TLE1: variants seen among roughly 807,000 people sequenced by gnomAD.
TLE1 encodes the protein transducin-like enhancer protein 1.
A neutral mutation model predicts 89.8 loss-of-function variants in TLE1; 21 were observed. The ratio of observed to expected loss-of-function variants is 0.23; its 90% CI spans 0.17 to 0.34. TLE1 has a LOEUF of 0.34. Among genes scored for constraint, TLE1 ranks in the 10% least tolerant of loss-of-function variants. The pLI is 1.00. For synonymous variants in TLE1, 447 were observed against 407.6 expected (o/e 1.10, Z -1.16); for missense variants, 795 against 1,031.2 (o/e 0.77, Z 3.14).
intron 4 of TLE1, among the ~76,000 whole-genome samples, chr9:81,661,800 A>T (rs1830831006): frequency 6.6e-6 from 1 of 152,122 alleles, no homozygotes. Flanking sequence ...ACCGGCAACC[A>T]AACAAAAATG....
In TLE1 at chr9:81,685,836, C is replaced by G. The variant is rs756928454; in HGVS notation, c.186G>C (p.Val62=). 3 of 1,613,976 alleles carry G rather than the reference C, an allele frequency of 1.9e-6. No homozygotes were observed. The highest frequency in any genetic ancestry group is 4.5e-5 in the East Asian group (2 of 44,878). Residue 62 remains valine (V), a synonymous_variant, in exon 3 of 20, where the codon GTG becomes GTC. Coordinates refer to ENST00000376499, the MANE Select transcript of TLE1 (RefSeq NM_005077.5). ...SEKTEMQRHY[V]MYYEMSYGLN... ...AAGTCCAATCTTTGATACCTACCATCACATAGTGCCTCTGCATTTCTGTCT... is the reference window on the plus strand; with the variant it reads ...AAGTCCAATCTTTGATACCTACCATGACATAGTGCCTCTGCATTTCTGTCT...
chr9:81,637,897 C>A (rs1413391377), intron 6 of TLE1, among the ~76,000 whole-genome samples: 1 of 152,126 alleles, frequency 6.6e-6, no homozygotes, highest in Non-Finnish European at 1.5e-5. Flanking sequence ...ACAGACGATA[C>A]TGGCTCAAAG....
At position 81,660,976 on chromosome 9, in the gene TLE1, C is replaced by CACAT. The variant is rs1554693433; in HGVS notation, c.235-6944_235-6941dup. On this transcript the variant is annotated intron_variant, in intron 4 of 19. Transcript: ENST00000376499. ...ACACACACACACACACACACACACACACATTTAGCCTGGCGTGGTGGCACG... is the reference window on the plus strand; with the variant it reads ...ACACACACACACACACACACACACACACATACATTTAGCCTGGCGTGGTGGCACG... 6.0e-3 allele frequency among the ~76,000 whole-genome samples: 628 copies of CACAT among 105,250 alleles called. 5 individuals are homozygous for CACAT. The highest frequency in any genetic ancestry group is 0.011 in the Non-Finnish European group (527 of 47,020). The allele number at this position is 105,250 out of a possible 152,430, so 69.0% of individuals were successfully genotyped here.
chr9:81,599,166 C>T (rs1830593958), intron 14 of TLE1, among the ~76,000 whole-genome samples: 1 of 152,108 alleles, frequency 6.6e-6, no homozygotes, highest in South Asian at 2.1e-4. Context: ...CTTTGTTTGC[C>T]ACATCACAGG....
chr9:81,633,974 G>T, intron 7 of TLE1, 123 bp downstream of exon 7: 6 of 1,122,620 alleles, frequency 5.3e-6, no homozygotes, highest in Non-Finnish European at 7.3e-6. Context: ...CTTTGCGACA[G>T]TTCCTCTTAT....
intron 4 of TLE1, among the ~76,000 whole-genome samples, chr9:81,660,402 TA>T (rs1233945650): frequency 1.3e-5 from 2 of 152,016 alleles, no homozygotes; most frequent in Non-Finnish European, 2.9e-5. Flanking sequence ...TGTATGGTTT[TA>T]TTTTTTTATT....
rs756735716 is a variant in TLE1 at position 81,613,901 on chromosome 9, CTTTTCTTTTTTTTTTT to C, written c.919-396_919-381del. The stretch of plus-strand genomic sequence containing the variant: ...GCCAAGTCCAAGGAAGACCCCTTTT[CTTTTCTTTTTTTTTTT>C]TTTTTTTTGAGATGGAGTCTCACTC... On this transcript the variant is annotated intron_variant, in intron 11 of 19. Coordinates refer to ENST00000376499, the MANE Select transcript of TLE1 (RefSeq NM_005077.5). 4.2e-3 allele frequency among the ~76,000 whole-genome samples: 526 copies of C among 124,610 alleles called. 7 individuals are homozygous for C. Among genetic ancestry groups the C allele is most frequent in the African/African-American group, 0.016 (438 of 27,226 alleles). The allele number at this position is 124,610 out of a possible 152,430, so 81.7% of individuals were successfully genotyped here.
intron 10 of TLE1, 47 bp downstream of exon 10, chr9:81,616,599 T>A: frequency 6.2e-7 from 1 of 1,602,312 alleles, no homozygotes; most frequent in South Asian, 1.1e-5. Flanking sequence ...TTTCATAACA[T>A]TATTCAAATC....
intron 5 of TLE1, 78 bp downstream of exon 5, chr9:81,653,896 T>G: frequency 7.4e-7 from 1 of 1,347,618 alleles, no homozygotes; most frequent in Non-Finnish European, 1.1e-6. Context: ...TGTGATAAAA[T>G]TAACATCTTA....
intron 11 of TLE1, among the ~76,000 whole-genome samples, chr9:81,615,059 G>T (rs1380327277): frequency 8.9e-6 from 1 of 112,220 alleles, no homozygotes; most frequent in African/African-American, 3.5e-5. Context: ...TCCAGCCTGG[G>T]TGACAGAGTG....
rs1826921669 is a variant in TLE1 at position 81,633,293 on chromosome 9, GTGTGTGTGT to G, written c.594+46_594+54del. 1.0e-4 allele frequency: 26 copies of G among 252,784 alleles called. No homozygotes were observed. In the South Asian group the frequency reaches 2.5e-3, roughly 24 times the overall value. 15.7% of individuals were successfully genotyped at this position (252,784 alleles called of 1,614,324 possible). A position where few individuals can be genotyped will look rare whatever the true frequency, so the allele number is the denominator to read the frequency against. On this transcript the variant is annotated intron_variant, in intron 8 of 19. Transcript: ENST00000376499. ...AAGTGTTGTCAGAAGGGGACCGTGT[GTGTGTGTGT>G]GTGTGTGTGTGTGTGTGTGTGTGCA... is the stretch of plus-strand genomic sequence containing the variant.
chr9:81,645,000 CAAAA>C (rs150421441), intron 6 of TLE1, among the ~76,000 whole-genome samples: 3 of 64,892 alleles, frequency 4.6e-5, no homozygotes, highest in Non-Finnish European at 5.4e-5. Context: ...GACACTGTCT[CAAAA>C]AAAAAAAAAA....
intron 4 of TLE1, among the ~76,000 whole-genome samples, chr9:81,655,606 A>C (rs902106034): frequency 6.6e-6 from 1 of 152,150 alleles, no homozygotes; most frequent in Non-Finnish European, 1.5e-5. Context: ...GTCATCTGTA[A>C]AGAGGCCCAT....
chr9:81,686,171 C>T lies in TLE1; in HGVS notation c.126-275G>A, dbSNP rs549409617. ...TGTCAGAACCTCTAACTGATTCCTCCTCATGGTCATCTGCTCCCTACCTTC... is the reference window on the plus strand; with the variant it reads ...TGTCAGAACCTCTAACTGATTCCTCTTCATGGTCATCTGCTCCCTACCTTC... On this transcript the variant is annotated intron_variant, in intron 2 of 19. Coordinates refer to ENST00000376499, the MANE Select transcript of TLE1 (RefSeq NM_005077.5). 7.9e-5 allele frequency among the ~76,000 whole-genome samples: 12 copies of T among 152,314 alleles called. 1 individual carries two copies. The South Asian group carries it at 8.3e-4, about 11-fold the overall frequency.
In TLE1 at chr9:81,583,876, CTTGGGCAAGGCGTG is replaced by C. The variant is rs1827986919; in HGVS notation, c.*308_*321del. The C allele has an allele frequency of 3.5e-6, 1 of 288,938 alleles. No homozygotes were observed. The highest frequency in any genetic ancestry group is 6.6e-6 in the Non-Finnish European group (1 of 150,590). 17.9% of individuals were successfully genotyped at this position (288,938 alleles called of 1,614,324 possible). A position where few individuals can be genotyped will look rare whatever the true frequency, so the allele number is the denominator to read the frequency against. On this transcript the variant is annotated 3_prime_UTR_variant, in exon 20 of 20. Coordinates refer to ENST00000376499, the MANE Select transcript of TLE1 (RefSeq NM_005077.5). Reference sequence around the variant, plus strand: ...CAAGGAACAGAAAGGTAATCTCACACTTGGGCAAGGCGTGATCCCCAGATCACCCAGAAAGAAAG... The same window carrying C: ...CAAGGAACAGAAAGGTAATCTCACACATCCCCAGATCACCCAGAAAGAAAG...
chr9:81,647,043 T>C (rs942925637), intron 6 of TLE1, among the ~76,000 whole-genome samples: 6 of 152,102 alleles, frequency 3.9e-5, no homozygotes, highest in African/African-American at 1.2e-4. Context: ...GTTTTTTTTT[T>C]CTCTTGTGCA....
At chr9:81,648,271 C>CA (rs56842573) in intron 6 of TLE1, among the ~76,000 whole-genome samples, 29,722 of 122,206 alleles carry the variant, frequency 0.24, 3,661 homozygotes, top group East Asian at 0.48. Flanking sequence ...ACACTGTCTC[C>CA]AAAAAAAAAA....
At chr9:81,617,310 T>C (rs1408687823) in intron 9 of TLE1, among the ~76,000 whole-genome samples, 1 of 152,334 alleles carries the variant, frequency 6.6e-6, no homozygotes, top group Non-Finnish European at 1.5e-5. Flanking sequence ...GGCAATGGCA[T>C]TCTGCAATAG....
At chr9:81,659,299 T>C (rs962702571) in intron 4 of TLE1, among the ~76,000 whole-genome samples, 1 of 152,196 alleles carries the variant, frequency 6.6e-6, no homozygotes, top group Non-Finnish European at 1.5e-5. Flanking sequence ...TTCCACCTCT[T>C]GCAAAGGCTA....
Sources: gnomAD v4.1 joint callset for allele counts (sites outside exome capture counted in the v4.1 genomes callset) on GRCh38, gnomAD v4.1.1 for gene constraint, MANE v1.5 for transcripts, NCBI Gene and HGNC (gene_info 2026-07-23, HGNC 2026-07-21) for gene names.